The following RMND1 variants were observed in gnomAD, a reference collection of about 807,000 sequenced individuals.
RMND1 encodes required for meiotic nuclear division 1 homolog.
In RMND1, 41 loss-of-function variants were observed where a neutral mutation model predicts 54.0. The observed-to-expected ratio is 0.76, with a 90% CI of 0.59 to 0.98. The LOEUF is 0.98. Among genes scored for constraint, RMND1 ranks in the 50% least tolerant of loss-of-function variants. The pLI, the probability that RMND1 is intolerant of heterozygous loss-of-function variation, is 0.00. For missense variants in RMND1, 457 were observed against 532.0 expected, an observed-to-expected ratio of 0.86 and a Z score of 1.39; for synonymous variants, 183 against 181.7, an observed-to-expected ratio of 1.01 and a Z score of -0.06.
At position 151,442,758 on chromosome 6, in the gene RMND1, T is replaced by C. The variant is rs567388946; in HGVS notation, c.504+2550A>G. Among the ~76,000 whole-genome samples, 16 of 151,682 alleles carry C rather than the reference T, an allele frequency of 1.1e-4. No homozygotes were observed. In the East Asian group the frequency reaches 2.7e-3, roughly 26 times the overall value. Reference sequence around the variant, plus strand: ...GTCTTGCTATGTTGCCAGGCTGGTCTTCAACTCCTGGCCTCAAGTGGTCTT... The same window carrying C: ...GTCTTGCTATGTTGCCAGGCTGGTCCTCAACTCCTGGCCTCAAGTGGTCTT... On this transcript the variant is annotated intron_variant, in intron 2 of 11. Transcript: ENST00000444024.
At position 151,423,507 on chromosome 6, in the gene RMND1, T is replaced by A; in HGVS notation, c.937+18A>T. ...ATGACAACTGTAGTACCCTATCCCA[T>A]AAGCAGTAGTAACTTACCAGAAAGG... On this transcript the variant is annotated intron_variant, in intron 7 of 11. Transcript: ENST00000444024. 1 of 1,481,302 alleles carries A rather than the reference T, an allele frequency of 6.8e-7. No homozygotes were observed. Among genetic ancestry groups the A allele is most frequent in the Non-Finnish European group, 9.4e-7 (1 of 1,058,962 alleles). The allele number at this position is 1,481,302 out of a possible 1,614,324, so 91.8% of individuals were successfully genotyped here.
chr6:151,433,345 T>TA (rs1376069669), intron 3 of RMND1, 115 bp from the exon 4 acceptor site: 3 of 590,178 alleles, frequency 5.1e-6, no homozygotes, highest in Non-Finnish European at 8.8e-6. Flanking sequence ...TACCATGGAG[T>TA]GCTCTGTAAC....
At chr6:151,409,299 C>T (rs1307300977) in intron 10 of RMND1, among the ~76,000 whole-genome samples, 1 of 152,128 alleles carries the variant, frequency 6.6e-6, no homozygotes, top group Non-Finnish European at 1.5e-5. Flanking sequence ...TAAATGTTTG[C>T]TAATGAATCC....
In RMND1 at chr6:151,445,374, T is replaced by A. The variant is rs765504348; in HGVS notation, c.438A>T (p.Arg146Ser). Residue 146 changes from arginine (R) to serine (S), a missense_variant, in exon 2 of 12, where the codon AGA becomes AGT. Arg to Ser is a moderately radical substitution (Grantham distance 110). Coordinates refer to ENST00000444024, the MANE Select transcript of RMND1 (RefSeq NM_017909.4). ...VPKQDFPQVKRPLKASRTRQP... is the reference protein window; with the variant it reads ...VPKQDFPQVKSPLKASRTRQP... Reference sequence around the variant, plus strand: ...GTCTGGTCCTGGATGCTTTTAGTGGTCTCTTCACCTGTGGGAAGTCTTGTT... The same window carrying A: ...GTCTGGTCCTGGATGCTTTTAGTGGACTCTTCACCTGTGGGAAGTCTTGTT... 1.1e-5 allele frequency: 17 copies of A among 1,613,878 alleles called. No individual in the cohort carries two copies. Among genetic ancestry groups the A allele is most frequent in the Non-Finnish European group, 1.4e-5 (16 of 1,179,878 alleles).
At chr6:151,426,937 T>TTTTGTA (rs1157048316) in intron 6 of RMND1, among the ~76,000 whole-genome samples, 12 of 147,838 alleles carry the variant, frequency 8.1e-5, no homozygotes, top group African/African-American at 3.2e-4. Context: ...AACCAGCTAA[T>TTTTGTA]TTTTGTATTT....
intron 10 of RMND1, among the ~76,000 whole-genome samples, chr6:151,414,101 A>T (rs1031118002): frequency 6.6e-6 from 1 of 152,074 alleles, no homozygotes; most frequent in African/African-American, 2.4e-5. Context: ...ACAGGGTCTC[A>T]CTCTGTCACC....
At chr6:151,429,851 T>A (rs1053733572) in intron 5 of RMND1, among the ~76,000 whole-genome samples, 1 of 152,222 alleles carries the variant, frequency 6.6e-6, no homozygotes, top group Non-Finnish European at 1.5e-5. Context: ...GCATACATTT[T>A]GTATAGTACA....
At chr6:151,416,420 C>CTTT (rs10557273) in intron 10 of RMND1, among the ~76,000 whole-genome samples, 7 of 93,708 alleles carry the variant, frequency 7.5e-5, no homozygotes, top group Non-Finnish European at 6.2e-5. Context: ...ATCACTACAG[C>CTTT]TTTTTTTTTT....
chr6:151,430,248 CATGTAACTTCTAGA>C, intron 4 of RMND1, 71 bp from the exon 5 acceptor site: 1 of 1,072,212 alleles, frequency 9.3e-7, no homozygotes, highest in Non-Finnish European at 1.4e-6. Flanking sequence ...TATATAAAAC[CATGTAACTTCTAGA>C]ATGTATACAG....
chr6:151,434,166 CTAA>C (rs1410491341), intron 3 of RMND1, among the ~76,000 whole-genome samples: 2 of 152,014 alleles, frequency 1.3e-5, no homozygotes, highest in Non-Finnish European at 2.9e-5. Context: ...AAAACATATA[CTAA>C]TATACCAATA....
intron 2 of RMND1, among the ~76,000 whole-genome samples, chr6:151,442,354 T>A (rs1040782783): frequency 6.6e-6 from 1 of 152,194 alleles, no homozygotes; most frequent in African/African-American, 2.4e-5. Flanking sequence ...TTATTTTCTA[T>A]TCTATTTCAT....
chr6:151,429,226 A>G (rs1271244034), intron 5 of RMND1, among the ~76,000 whole-genome samples: 1 of 151,402 alleles, frequency 6.6e-6, no homozygotes, highest in East Asian at 1.9e-4. Flanking sequence ...GGTTTAAGCG[A>G]TTCTTGTGCC....
intron 10 of RMND1, among the ~76,000 whole-genome samples, chr6:151,414,824 G>A (rs1426789652): frequency 1.3e-5 from 2 of 152,162 alleles, no homozygotes; most frequent in Admixed American, 1.3e-4. Context: ...AAATGTAGAT[G>A]TCATAGAATT....
intron 1 of RMND1, among the ~76,000 whole-genome samples, chr6:151,451,529 C>T (rs1781197017): frequency 6.6e-6 from 1 of 152,146 alleles, no homozygotes; most frequent in Admixed American, 6.5e-5. Context: ...TGTCTTCCTT[C>T]CAGAATGGAA....
chr6:151,417,570 C>T (rs1197981639), intron 9 of RMND1, among the ~76,000 whole-genome samples, 171 bp from the exon 10 acceptor site: 1 of 151,768 alleles, frequency 6.6e-6, no homozygotes, highest in Non-Finnish European at 1.5e-5. Flanking sequence ...CAACTCACTG[C>T]AAACTGAACT....
intron 10 of RMND1, among the ~76,000 whole-genome samples, chr6:151,412,614 C>T (rs901285764): frequency 3.9e-5 from 6 of 152,246 alleles, no homozygotes; most frequent in South Asian, 2.1e-4. Context: ...ATACCTGAGA[C>T]GGGGTAATTT....
intron 2 of RMND1, among the ~76,000 whole-genome samples, chr6:151,438,030 A>C (rs1265402893): frequency 6.6e-6 from 1 of 152,202 alleles, no homozygotes; most frequent in Admixed American, 6.5e-5. Flanking sequence ...AATTCCTTCC[A>C]AATTAGCTAA....
intron 10 of RMND1, among the ~76,000 whole-genome samples, chr6:151,415,919 G>C (rs929497649): frequency 1.4e-4 from 22 of 152,126 alleles, no homozygotes; most frequent in African/African-American, 5.1e-4. Context: ...CCGGGTAGGG[G>C]GAGGGCAGTG....
chr6:151,410,084 TTG>T (rs1386230664), intron 10 of RMND1, among the ~76,000 whole-genome samples: 2 of 150,890 alleles, frequency 1.3e-5, no homozygotes, highest in African/African-American at 4.9e-5. Context: ...AGGCGGAGTC[TTG>T]CTCTGTCACC....
Sources: allele counts gnomAD v4.1 joint callset (sites outside exome capture counted in the v4.1 genomes callset), GRCh38; gene constraint gnomAD v4.1.1; transcripts MANE v1.5; gene names NCBI Gene and HGNC (gene_info 2026-07-23, HGNC 2026-07-21).